The following CAMTA1 variants were observed in gnomAD, a reference collection of about 807,000 sequenced individuals.
CAMTA1 encodes calmodulin binding transcription activator 1.
Under a neutral mutation model 170.9 loss-of-function variants are expected in CAMTA1, and 27 were observed. The observed-to-expected ratio is 0.16, with a 90% CI of 0.12 to 0.22. The LOEUF is 0.22. Among genes scored for constraint, CAMTA1 ranks in the 10% least tolerant of loss-of-function variants. The pLI, the probability that CAMTA1 is intolerant of heterozygous loss-of-function variation, is 1.00. For synonymous variants in CAMTA1, 833 were observed against 891.5 expected (o/e 0.93, Z 1.17); for missense variants, 1,619 against 2,217.2 (o/e 0.73, Z 5.42).
At chr1:7,695,380 C>G (rs565568722) in intron 11 of CAMTA1, among the ~76,000 whole-genome samples, 1 of 152,220 alleles carries the variant, frequency 6.6e-6, no homozygotes, top group Non-Finnish European at 1.5e-5. Context: ...CATTCCTCCC[C>G]GGCGTTCTCA....
At chr1:7,747,925 T>C (rs576141531) in intron 19 of CAMTA1, 144 bp downstream of exon 19, 7 of 563,634 alleles carry the variant, frequency 1.2e-5, no homozygotes, top group Non-Finnish European at 9.1e-6. Context: ...TTTTTATTTT[T>C]TTTTTGAAAC....
At chr1:6,977,157 C>T (rs899250325) in intron 3 of CAMTA1, among the ~76,000 whole-genome samples, 2 of 152,016 alleles carry the variant, frequency 1.3e-5, no homozygotes, top group Admixed American at 1.3e-4. Flanking sequence ...TCGTGTGGGT[C>T]GGGTCCTGCT....
chr1:7,405,874 C>T (rs2090247340), intron 5 of CAMTA1, among the ~76,000 whole-genome samples: 2 of 152,172 alleles, frequency 1.3e-5, no homozygotes, highest in South Asian at 4.1e-4. Flanking sequence ...GAGGACAGCA[C>T]CTCCCCAGCT....
chr1:7,312,397 G>A (rs1410003588), intron 5 of CAMTA1, among the ~76,000 whole-genome samples: 2 of 27,150 alleles, frequency 7.4e-5, no homozygotes, highest in East Asian at 2.6e-3. Context: ...AGAGCTTACC[G>A]TGGCTCTCTT....
intron 5 of CAMTA1, among the ~76,000 whole-genome samples, chr1:7,401,674 C>G (rs901442171): frequency 8.5e-5 from 13 of 152,204 alleles, no homozygotes; most frequent in African/African-American, 2.7e-4. Flanking sequence ...TTAGTGCTCT[C>G]TAGTTTTCAG....
intron 3 of CAMTA1, chr1:6,871,832 A>C: frequency 6.7e-7 from 1 of 1,497,604 alleles, no homozygotes; most frequent in Non-Finnish European, 8.8e-7. Flanking sequence ...CCTGACCTGC[A>C]TTACCTTGGT....
Position 7,751,347 on chromosome 1 carries a change from G to A in CAMTA1, c.4838G>A (p.Arg1613Lys), listed in dbSNP as rs2096895834. 1.9e-6 allele frequency: 3 copies of A among 1,610,774 alleles called. No individual in the cohort carries two copies. The highest frequency in any genetic ancestry group is 2.2e-5 in the East Asian group (1 of 44,798). Reference protein sequence around the residue: ...YYRSYKKCGKRRQARRTAVIV... With the variant: ...YYRSYKKCGKKRQARRTAVIV... The stretch of plus-strand genomic sequence containing the variant: ...CGAAGTTATAAGAAATGTGGCAAAA[G>A]ACGGCAGGCTCGCCGGACGGCTGTG... The change falls in exon 20 of 23, where the codon AGA (arginine) becomes AAA (lysine). Residue 1613 changes from arginine to lysine, a missense_variant. Around this residue, in one of 8 missense-constraint regions of CAMTA1, gnomAD observed 128 missense variants for 213.5 expected, o/e 0.60. Coordinates refer to ENST00000303635, the MANE Select transcript of CAMTA1 (RefSeq NM_015215.4).
rs747593579 is a variant in CAMTA1 at position 7,663,874 on chromosome 1, G to A, written c.1327G>A (p.Ala443Thr). ...LAVSSDGHKFAFPTTGSSESL... is the reference protein window; with the variant it reads ...LAVSSDGHKFTFPTTGSSESL... ...CGTGAGCTCTGATGGCCACAAGTTC[G>A]CCTTTCCCACCACGGGCAGCTCGGA... Residue 443 changes from alanine to threonine, a missense_variant, in exon 9 of 23, where the codon GCC (alanine) becomes ACC (threonine). By Grantham distance (58) the Ala-to-Thr change is moderately conservative. Around this residue, in one of 8 missense-constraint regions of CAMTA1, gnomAD observed 731 missense variants for 907.6 expected, o/e 0.81. Coordinates refer to ENST00000303635, the MANE Select transcript of CAMTA1 (RefSeq NM_015215.4). The A allele has an allele frequency of 1.3e-5, 21 of 1,613,802 alleles. No homozygotes were observed. The East Asian group carries it at 2.0e-4, about 15-fold the overall frequency.
chr1:7,412,753 A>G (rs2090881019), intron 5 of CAMTA1, among the ~76,000 whole-genome samples: 1 of 152,014 alleles, frequency 6.6e-6, no homozygotes, highest in Non-Finnish European at 1.5e-5. Context: ...GAAACTCTTT[A>G]GTTTAATGAG....
At chr1:6,935,153 T>A (rs1685092878) in intron 3 of CAMTA1, among the ~76,000 whole-genome samples, 1 of 152,242 alleles carries the variant, frequency 6.6e-6, no homozygotes, top group African/African-American at 2.4e-5. Flanking sequence ...CGGCGCTGGT[T>A]ATCCCGTAGG....
intron 11 of CAMTA1, among the ~76,000 whole-genome samples, chr1:7,683,953 A>G (rs1576846456): frequency 6.6e-6 from 1 of 152,110 alleles, no homozygotes; most frequent in African/African-American, 2.4e-5. Context: ...CTCAGCCAGG[A>G]CCAAGAGGTC....
chr1:7,148,539 G>T (rs2148668333), intron 4 of CAMTA1, among the ~76,000 whole-genome samples: 1 of 152,322 alleles, frequency 6.6e-6, no homozygotes, highest in South Asian at 2.1e-4. Flanking sequence ...TGCCACCGGG[G>T]TGTCTTTACC....
intron 5 of CAMTA1, among the ~76,000 whole-genome samples, chr1:7,386,501 G>A (rs1400414969): frequency 6.6e-6 from 1 of 152,194 alleles, no homozygotes; most frequent in Non-Finnish European, 1.5e-5. Context: ...GCTCGGTGGA[G>A]CATCTCATCT....
chr1:7,584,202 G>A lies in CAMTA1; in HGVS notation c.511-56198G>A, dbSNP rs560187235. ...AGGGGCGCCATGACTGTAGGTTCAG[G>A]GACCACCATGGGGTCTTACAGTAGG... On this transcript the variant is annotated intron_variant, in intron 6 of 22. Transcript: ENST00000303635. 3.9e-5 allele frequency among the ~76,000 whole-genome samples: 6 copies of A among 152,184 alleles called. No individual in the cohort carries two copies. The South Asian group carries it at 6.2e-4, about 16-fold the overall frequency.
rs545745858 is a variant in CAMTA1, at chr1:7,426,567, T to C, written c.439-41263T>C. 6.6e-6 allele frequency among the ~76,000 whole-genome samples: 1 copy of C among 152,296 alleles called. No individual in the cohort carries two copies. The highest frequency in any genetic ancestry group is 6.5e-5 in the Admixed American group (1 of 15,296). ...TGGAGATCGTTTAAAAGATTAACTTTAGTGAAAGCTTCGAGGTTTGGCAAA... is the reference window on the plus strand; with the variant it reads ...TGGAGATCGTTTAAAAGATTAACTTCAGTGAAAGCTTCGAGGTTTGGCAAA... On this transcript the variant is annotated intron_variant, in intron 5 of 22. Transcript: ENST00000303635. The surrounding 1 kb of genome is among the most constrained non-coding windows in gnomAD (Gnocchi z 4.8).
chr1:6,786,241 A>C, intron 1 of CAMTA1, among the ~76,000 whole-genome samples: 1 of 149,854 alleles, frequency 6.7e-6, no homozygotes. Flanking sequence ...GCCTCGTGTG[A>C]CCCCTCCCCC....
Position 7,128,543 on chromosome 1 carries a change from G to A in CAMTA1, c.302+37172G>A, listed in dbSNP as rs185705441. Among the ~76,000 whole-genome samples, 99 of 152,364 alleles carry A rather than the reference G, an allele frequency of 6.5e-4. 2 individuals carry two copies. Among genetic ancestry groups the A allele is most frequent in the African/African-American group, 2.3e-3 (97 of 41,578 alleles). ...GGGCTGTTGGTTTGGAGGATTCGGT[G>A]TGAGATGGGCTAAGAAAAGTCAGAT... On this transcript the variant is annotated intron_variant, in intron 4 of 22. Transcript: ENST00000303635.
intron 5 of CAMTA1, among the ~76,000 whole-genome samples, chr1:7,451,114 G>C (rs1444219264): frequency 6.6e-6 from 1 of 152,196 alleles, no homozygotes; most frequent in East Asian, 1.9e-4. Context: ...TCCAGGTCCA[G>C]AGAGCAAACC....
intron 5 of CAMTA1, among the ~76,000 whole-genome samples, chr1:7,453,866 T>C (rs2092888489): frequency 6.6e-6 from 1 of 152,232 alleles, no homozygotes; most frequent in African/African-American, 2.4e-5. Flanking sequence ...TCACTCATGC[T>C]GGGACCCGGC....
Sources: allele counts gnomAD v4.1 joint callset (sites outside exome capture counted in the v4.1 genomes callset), GRCh38; gene constraint gnomAD v4.1.1; regional missense constraint gnomAD v4.1.1; non-coding constraint Gnocchi (gnomAD v3.1); transcripts MANE v1.5; gene names NCBI Gene and HGNC (gene_info 2026-07-23, HGNC 2026-07-21).